SNTG2: variants seen among roughly 807,000 people sequenced by gnomAD.
SNTG2 encodes the protein syntrophin gamma 2.
In SNTG2, 74 loss-of-function variants were observed where a neutral mutation model predicts 70.9. The observed-to-expected ratio is 1.04, with a 90% CI of 0.86 to 1.27. SNTG2 has a LOEUF of 1.27. Ranked by LOEUF, SNTG2 falls within the 50% of genes most tolerant of loss-of-function variation. The pLI is 0.00. For missense variants in SNTG2, 717 were observed against 690.7 expected (o/e 1.04, Z -0.43); for synonymous variants, 278 against 273.8 (o/e 1.02, Z -0.15).
At chr2:1,004,166 A>G (rs1022974026) in intron 1 of SNTG2, among the ~76,000 whole-genome samples, 2 of 152,220 alleles carry the variant, frequency 1.3e-5, no homozygotes, top group Non-Finnish European at 2.9e-5. Context: ...AGTGCCTGAC[A>G]TGACTGTCCT....
At chr2:1,290,640 C>T (rs116051597) in intron 14 of SNTG2, among the ~76,000 whole-genome samples, 4 of 152,150 alleles carry the variant, frequency 2.6e-5, no homozygotes, top group African/African-American at 9.7e-5. Flanking sequence ...CTTTAAACAA[C>T]CAGATCTCAT....
chr2:1,150,643 G>A (rs143475448), intron 6 of SNTG2, among the ~76,000 whole-genome samples: 38 of 152,232 alleles, frequency 2.5e-4, no homozygotes, highest in Admixed American at 1.2e-3. Flanking sequence ...AAGTAAAGGG[G>A]CATCCTGTGA....
chr2:1,278,874 TGA>T (rs1302526742), intron 14 of SNTG2, among the ~76,000 whole-genome samples: 1 of 123,442 alleles, frequency 8.1e-6, no homozygotes, highest in African/African-American at 2.8e-5. Flanking sequence ...CACATCATTC[TGA>T]GTACTGTGAT....
chr2:985,071 C>CAAA (rs1439403960), intron 1 of SNTG2, among the ~76,000 whole-genome samples: 4 of 152,080 alleles, frequency 2.6e-5, no homozygotes, highest in African/African-American at 9.7e-5. Context: ...TTTGTGAAGA[C>CAAA]AAAATCCGAT....
Position 1,165,628 on chromosome 2 carries a change from C to T in SNTG2, c.492C>T (p.Leu164=). 9.9e-6 allele frequency: 16 copies of T among 1,611,752 alleles called. No homozygotes were observed. Among genetic ancestry groups the T allele is most frequent in the Non-Finnish European group, 1.4e-5 (16 of 1,179,138 alleles). Residue 164 remains leucine, a synonymous_variant, in exon 7 of 17, where the codon CTC becomes CTT. Coordinates refer to ENST00000308624, the MANE Select transcript of SNTG2 (RefSeq NM_018968.4). ...GGGAAGCGCCGGCATTTCTGAAGCTCCCGTTAGGTAAGTGGGAAGAGGAGA... is the reference window on the plus strand; with the variant it reads ...GGGAAGCGCCGGCATTTCTGAAGCTTCCGTTAGGTAAGTGGGAAGAGGAGA... ...YLREAPAFLK[L]PLGSPGPSSD...
intron 8 of SNTG2, among the ~76,000 whole-genome samples, chr2:1,187,662 T>C (rs1350854313): frequency 6.6e-6 from 1 of 152,162 alleles, no homozygotes; most frequent in Non-Finnish European, 1.5e-5. Context: ...AGGCAAACTA[T>C]TGTGAAACTA....
rs1213741007 is a variant in SNTG2 at position 1,247,401 on chromosome 2, A to G, written c.963A>G (p.Leu321=). The G allele has an allele frequency of 1.9e-6, 3 of 1,613,952 alleles. No individual in the cohort carries two copies. Among genetic ancestry groups the G allele is most frequent in the South Asian group, 1.1e-5 (1 of 91,076 alleles). ...CTCAAACCTTCAGACCCAAGTTCCT[A>G]GCACTGAAGGGCCCGTCCTTCTACG... ...DSSQTFRPKF[L]ALKGPSFYVF... Residue 321 remains leucine, a synonymous_variant, in exon 12 of 17, where the codon CTA becomes CTG. Transcript: ENST00000308624.
intron 4 of SNTG2, among the ~76,000 whole-genome samples, chr2:1,128,561 A>T (rs923192094): frequency 6.6e-6 from 1 of 152,176 alleles, no homozygotes; most frequent in Admixed American, 6.5e-5. Flanking sequence ...AATGCACAGT[A>T]CAGAAATAGT....
rs542916793 is a variant in SNTG2 at position 1,280,265 on chromosome 2, A to G, written c.1284+12694A>G. Among the ~76,000 whole-genome samples, 191 of 152,356 alleles carry G rather than the reference A, an allele frequency of 1.3e-3. 1 individual carries two copies. The highest frequency in any genetic ancestry group is 4.4e-3 in the African/African-American group (184 of 41,584). The stretch of plus-strand genomic sequence containing the variant: ...AGAGTAGATTTATGGGGTCATTAAA[A>G]GACAATTATTTGTTACCAGAACCTC... On this transcript the variant is annotated intron_variant, in intron 14 of 16. Coordinates refer to ENST00000308624, the MANE Select transcript of SNTG2 (RefSeq NM_018968.4).
intron 1 of SNTG2, among the ~76,000 whole-genome samples, chr2:956,883 G>A (rs1660180693): frequency 6.6e-6 from 1 of 152,168 alleles, no homozygotes; most frequent in Non-Finnish European, 1.5e-5. Flanking sequence ...AAGTAAAATT[G>A]TGCTTTCATA....
chr2:1,224,899 AC>A (rs148294276), intron 9 of SNTG2, among the ~76,000 whole-genome samples: 1 of 152,280 alleles, frequency 6.6e-6, no homozygotes, highest in East Asian at 1.9e-4. Flanking sequence ...AGTTCACGGA[AC>A]CCCTCCAGCA....
intron 14 of SNTG2, among the ~76,000 whole-genome samples, chr2:1,272,058 A>G (rs1336562749): frequency 6.6e-6 from 1 of 152,132 alleles, no homozygotes; most frequent in Non-Finnish European, 1.5e-5. Context: ...TTTGTGAATG[A>G]CAGTTTTTCC....
intron 6 of SNTG2, among the ~76,000 whole-genome samples, chr2:1,158,099 T>C (rs1343472023): frequency 6.6e-6 from 1 of 152,184 alleles, no homozygotes; most frequent in African/African-American, 2.4e-5. Context: ...AAGGGCCCAG[T>C]TGCATAAACT....
intron 13 of SNTG2, among the ~76,000 whole-genome samples, chr2:1,263,696 C>T (rs886943354): frequency 1.3e-5 from 2 of 152,074 alleles, no homozygotes; most frequent in East Asian, 1.9e-4. Context: ...TGCCTTAGGA[C>T]GTGTGTCTTT....
In SNTG2 at chr2:1,217,448, A is replaced by G. The variant is rs1558542799; in HGVS notation, c.719+8218A>G. On this transcript the variant is annotated intron_variant, in intron 9 of 16. Transcript: ENST00000308624. The stretch of plus-strand genomic sequence containing the variant: ...AAGAATTTGAAGGGAGAATATTGAG[A>G]TGAAACTAAAAAAGACATAAAAACA... Among the ~76,000 whole-genome samples, 3 of 152,196 alleles carry G rather than the reference A, an allele frequency of 2.0e-5. No individual in the cohort carries two copies. In the South Asian group the frequency reaches 6.2e-4, roughly 32 times the overall value.
intron 14 of SNTG2, among the ~76,000 whole-genome samples, chr2:1,286,533 C>A (rs1428168496): frequency 6.6e-6 from 1 of 152,186 alleles, no homozygotes; most frequent in African/African-American, 2.4e-5. Flanking sequence ...TGGTCAGAGG[C>A]AATGCTGTGT....
chr2:1,305,077 G>A (rs1050742700), intron 14 of SNTG2, among the ~76,000 whole-genome samples: 1 of 151,804 alleles, frequency 6.6e-6, no homozygotes, highest in African/African-American at 2.4e-5. Context: ...GTCTACAGTT[G>A]GTCATTTTTC....
chr2:1,269,691 T>C (rs1175257621), intron 14 of SNTG2, among the ~76,000 whole-genome samples: 1 of 152,178 alleles, frequency 6.6e-6, no homozygotes, highest in Admixed American at 6.5e-5. Context: ...AAAATTAGGC[T>C]AATGCTCCAT....
intron 6 of SNTG2, among the ~76,000 whole-genome samples, chr2:1,144,703 C>T (rs1166441062): frequency 6.6e-6 from 1 of 152,164 alleles, no homozygotes; most frequent in Non-Finnish European, 1.5e-5. Context: ...ATAAAACTGT[C>T]AGATCTCATG....
Sources: allele counts gnomAD v4.1 joint callset (sites outside exome capture counted in the v4.1 genomes callset), GRCh38; gene constraint gnomAD v4.1.1; transcripts MANE v1.5; gene names NCBI Gene and HGNC (gene_info 2026-07-23, HGNC 2026-07-21).